The following MACC1 variants were observed in gnomAD, a reference collection of about 807,000 sequenced individuals.
MACC1 encodes the protein MET transcriptional regulator MACC1.
In MACC1, 79 loss-of-function variants were observed where a neutral mutation model predicts 70.7. That is an observed-to-expected ratio of 1.12 (90% CI 0.93 to 1.35). The LOEUF is 1.35. Ranked by LOEUF, MACC1 falls within the 40% of genes most tolerant of loss-of-function variation. MACC1 has a pLI of 0.00. For synonymous variants in MACC1, 361 were observed against 347.2 expected (o/e 1.04, Z -0.44); for missense variants, 1,106 against 978.1 (o/e 1.13, Z -1.74).
In MACC1 at chr7:20,154,194, T is replaced by G. The variant is rs1438970899; in HGVS notation, c.2345A>C (p.Glu782Ala). ...HRGNTGDVAV[E>A]MMWKPAYDFL... is the part of the protein sequence containing the mutation. ...GAATTACACAAACAGAAGTCTTACC[T>G]CAACAGCAACATCTCCAGTGTTTCC... Residue 782 changes from glutamate (E) to alanine (A), a missense_variant and splice_region_variant, in exon 6 of 7, where the codon GAG (glutamate) becomes GCG (alanine). Glu to Ala is a moderately radical substitution (Grantham distance 107). Coordinates refer to ENST00000400331, the MANE Select transcript of MACC1 (RefSeq NM_182762.4). 6.2e-7 allele frequency: 1 copy of G among 1,613,750 alleles called. No homozygotes were observed. The highest frequency in any genetic ancestry group is 1.3e-5 in the African/African-American group (1 of 74,922).
intron 1 of MACC1, among the ~76,000 whole-genome samples, chr7:20,211,837 A>T (rs1452508333): frequency 6.6e-6 from 1 of 152,114 alleles, no homozygotes; most frequent in African/African-American, 2.4e-5. Flanking sequence ...ACTACTTATG[A>T]TAGCAAAATG....
chr7:20,158,904 C>CA lies in MACC1; in HGVS notation c.1456dup (p.Cys486LeufsTer10), dbSNP rs762436686. The CA allele has an allele frequency of 9.9e-6, 16 of 1,613,880 alleles. No homozygotes were observed. The East Asian group carries it at 3.6e-4, about 36-fold the overall frequency. ...ACCATTGGGAGGCTCCACTTGAACACAAAAATCAAACAAGTGCATCTCTCT... is the reference window on the plus strand; with the variant it reads ...ACCATTGGGAGGCTCCACTTGAACACAAAAAATCAAACAAGTGCATCTCTCT... On this transcript the variant is annotated frameshift_variant, in exon 5 of 7. Transcript: ENST00000400331. LOFTEE classifies it high-confidence loss of function.
chr7:20,210,119 A>G (rs1782974547), intron 1 of MACC1, among the ~76,000 whole-genome samples: 1 of 152,186 alleles, frequency 6.6e-6, no homozygotes, highest in African/African-American at 2.4e-5. Flanking sequence ...GAACTAATGC[A>G]CACACAAACC....
In MACC1 at chr7:20,201,845, G is replaced by C. The variant is rs1314000480; in HGVS notation, c.-218+15454C>G. 3.3e-5 allele frequency among the ~76,000 whole-genome samples: 5 copies of C among 152,182 alleles called. No homozygotes were observed. The South Asian group carries it at 1.0e-3, about 32-fold the overall frequency. ...CCATTTTTGAGATTCTGTCTCCAAG[G>C]ATGCAAAATGTGAACCTTAACCTCT... On this transcript the variant is annotated intron_variant, in intron 1 of 6. Transcript: ENST00000400331.
At chr7:20,176,952 C>T (rs185641120) in intron 1 of MACC1, among the ~76,000 whole-genome samples, 1 of 152,098 alleles carries the variant, frequency 6.6e-6, no homozygotes, top group African/African-American at 2.4e-5. Flanking sequence ...AAAGGGGTAC[C>T]GCAAGGGAGA....
Position 20,136,881 on chromosome 7 carries a change from A to T in MACC1, c.*4065T>A. On this transcript the variant is annotated 3_prime_UTR_variant, in exon 7 of 7. Transcript: ENST00000400331. ...TATTAATTCTTAAAGATTATTAATT[A>T]TAATATTAAATTATATTATTAATTC... is the stretch of plus-strand genomic sequence containing the variant. The T allele has an allele frequency of 7.1e-6, 1 of 140,794 alleles. No homozygotes were observed. Among genetic ancestry groups the T allele is most frequent in the Middle Eastern group, 3.6e-3 (1 of 278 alleles). The allele number at this position is 140,794 out of a possible 1,614,324, so 8.7% of individuals were successfully genotyped here. A position where few individuals can be genotyped will look rare whatever the true frequency, so the allele number is the denominator to read the frequency against.
intron 1 of MACC1, among the ~76,000 whole-genome samples, chr7:20,206,431 T>G (rs1474087269): frequency 6.6e-6 from 1 of 152,070 alleles, no homozygotes; most frequent in African/African-American, 2.4e-5. Context: ...TTCTCCTTCT[T>G]TGTCCTTATT....
At chr7:20,165,936 T>C (rs919682006) in intron 2 of MACC1, among the ~76,000 whole-genome samples, 22 of 152,160 alleles carry the variant, frequency 1.4e-4, no homozygotes, top group African/African-American at 5.1e-4. Context: ...TTACCAAATG[T>C]ACAACTTAGC....
At position 20,140,038 on chromosome 7, in the gene MACC1, A is replaced by G. The variant is rs1030136650; in HGVS notation, c.*908T>C. ...TATTTTACATTACAATCCTGCAGAA[A>G]AAGTCCCAAATTAGGCAGGATTAGA... On this transcript the variant is annotated 3_prime_UTR_variant, in exon 7 of 7. Transcript: ENST00000400331. 2 of 152,170 alleles carry G rather than the reference A, an allele frequency of 1.3e-5. No homozygotes were observed. 9.4% of individuals were successfully genotyped at this position (152,170 alleles called of 1,614,324 possible).
intron 1 of MACC1, among the ~76,000 whole-genome samples, chr7:20,213,797 C>A (rs956220359): frequency 6.6e-6 from 1 of 152,026 alleles, no homozygotes; most frequent in Non-Finnish European, 1.5e-5. Context: ...AGATAAATAA[C>A]TTGGGTACTA....
intron 6 of MACC1, 93 bp downstream of exon 6, chr7:20,154,100 C>T: frequency 1.6e-6 from 2 of 1,284,204 alleles, no homozygotes; most frequent in Non-Finnish European, 2.2e-6. Flanking sequence ...GACATTCCCC[C>T]AGTGAATCCG....
chr7:20,146,050 G>A (rs1583379742), intron 6 of MACC1, among the ~76,000 whole-genome samples: 2 of 151,416 alleles, frequency 1.3e-5, no homozygotes, highest in African/African-American at 4.9e-5. Flanking sequence ...AGTCCCAGCT[G>A]CTTGGGAGGC....
intron 1 of MACC1, among the ~76,000 whole-genome samples, chr7:20,211,056 A>G (rs1782989710): frequency 6.6e-6 from 1 of 152,172 alleles, no homozygotes; most frequent in Non-Finnish European, 1.5e-5. Flanking sequence ...TATTATTTAT[A>G]TAGTGTCTAG....
chr7:20,186,392 C>T (rs1782589447), intron 1 of MACC1, among the ~76,000 whole-genome samples: 1 of 152,038 alleles, frequency 6.6e-6, no homozygotes, highest in Non-Finnish European at 1.5e-5. Context: ...TTAAAAATTA[C>T]AGTATTGTTA....
At chr7:20,161,905 A>T (rs1782144262) in intron 3 of MACC1, 35 bp from the exon 4 acceptor site, 2 of 1,224,626 alleles carry the variant, frequency 1.6e-6, no homozygotes, top group Non-Finnish European at 1.2e-6. Context: ...TTTTGTAAGC[A>T]TACATATACA....
chr7:20,176,972 T>C (rs1157636847), intron 1 of MACC1, among the ~76,000 whole-genome samples: 1 of 152,100 alleles, frequency 6.6e-6, no homozygotes, highest in African/African-American at 2.4e-5. Flanking sequence ...ATCTTTGTAG[T>C]GATGAACTGG....
intron 1 of MACC1, among the ~76,000 whole-genome samples, chr7:20,189,756 C>A: frequency 6.6e-6 from 1 of 151,688 alleles, no homozygotes. Context: ...CATAAACACA[C>A]ACACACACAC....
intron 6 of MACC1, among the ~76,000 whole-genome samples, chr7:20,142,582 C>A (rs919995847): frequency 6.6e-6 from 1 of 152,164 alleles, no homozygotes; most frequent in African/African-American, 2.4e-5. Flanking sequence ...GGCATCTGCT[C>A]ATCTATATTT....
intron 1 of MACC1, among the ~76,000 whole-genome samples, chr7:20,194,113 T>G (rs1782714224): frequency 6.6e-6 from 1 of 152,104 alleles, no homozygotes; most frequent in Non-Finnish European, 1.5e-5. Context: ...ACTACCCACA[T>G]CCTATCTTGT....
Sources: gnomAD v4.1 joint callset for allele counts (sites outside exome capture counted in the v4.1 genomes callset) on GRCh38, gnomAD v4.1.1 for gene constraint, MANE v1.5 for transcripts, NCBI Gene and HGNC (gene_info 2026-07-23, HGNC 2026-07-21) for gene names.